TRAP1: variants seen among roughly 807,000 people sequenced by gnomAD.
TRAP1 encodes the protein TNF receptor associated protein 1.
In TRAP1, 102 loss-of-function variants were observed where a neutral mutation model predicts 89.1. The observed-to-expected ratio is 1.15, with a 90% CI of 0.98 to 1.35. The LOEUF (loss-of-function observed/expected upper bound fraction) is 1.35. Among genes scored for constraint, TRAP1 ranks in the 40% most tolerant of loss-of-function variants. The probability of loss-of-function intolerance (pLI) is 0.00; values close to 1 mark genes in which losing one functional copy is unlikely to be tolerated. For missense variants in TRAP1, 1,256 were observed against 945.3 expected, an observed-to-expected ratio of 1.33 and a Z score of -4.31; for synonymous variants, 508 against 388.0, an observed-to-expected ratio of 1.31 and a Z score of -3.64.
intron 1 of TRAP1, among the ~76,000 whole-genome samples, chr16:3,701,543 C>T (rs1473076408): frequency 1.6e-5 from 2 of 122,906 alleles, no homozygotes; most frequent in African/African-American, 7.6e-5. Flanking sequence ...AGAGTAAGAC[C>T]CTGTCCCAAA....
intron 4 of TRAP1, among the ~76,000 whole-genome samples, chr16:3,680,567 C>G (rs1370986761): frequency 6.6e-6 from 1 of 152,248 alleles, no homozygotes; most frequent in African/African-American, 2.4e-5. Context: ...ACCATGGGAA[C>G]AGCGGGCACA....
chr16:3,689,522 A>G (rs763330891), intron 2 of TRAP1, among the ~76,000 whole-genome samples: 1 of 152,148 alleles, frequency 6.6e-6, no homozygotes, highest in Non-Finnish European at 1.5e-5. Context: ...AAGATCATGA[A>G]CAAAAAGAAA....
chr16:3,697,316 T>C (rs1484287141), intron 1 of TRAP1, among the ~76,000 whole-genome samples: 1 of 152,124 alleles, frequency 6.6e-6, no homozygotes. Context: ...CTGATAATTT[T>C]TCTACTACAT....
At chr16:3,675,592 C>T (rs190185943) in intron 7 of TRAP1, among the ~76,000 whole-genome samples, 195 bp from the exon 8 acceptor site, 43 of 152,298 alleles carry the variant, frequency 2.8e-4, no homozygotes, top group Middle Eastern at 3.4e-3. Context: ...GCGGAGCCCA[C>T]GTGAGAACCA....
chr16:3,700,896 G>A (rs1333347257), intron 1 of TRAP1, among the ~76,000 whole-genome samples: 1 of 152,004 alleles, frequency 6.6e-6, no homozygotes, highest in Admixed American at 6.6e-5. Context: ...GGAAAAACAG[G>A]GAAAAAATCC....
At chr16:3,714,915 C>A (rs1161105938) in intron 1 of TRAP1, among the ~76,000 whole-genome samples, 1 of 152,182 alleles carries the variant, frequency 6.6e-6, no homozygotes, top group African/African-American at 2.4e-5. Flanking sequence ...CTAAACTATT[C>A]TTTCTCCCCT....
chr16:3,673,370 G>A (rs1005925265), intron 9 of TRAP1, among the ~76,000 whole-genome samples: 1 of 152,190 alleles, frequency 6.6e-6, no homozygotes, highest in Non-Finnish European at 1.5e-5. Context: ...GAAAGACACC[G>A]GGCCCGAAAC....
intron 1 of TRAP1, among the ~76,000 whole-genome samples, chr16:3,696,409 C>T (rs562186254): frequency 1.4e-3 from 212 of 152,274 alleles, no homozygotes; most frequent in Middle Eastern, 3.4e-3. Context: ...AGCTGTGACC[C>T]GGCAAATCAA....
chr16:3,664,077 C>T (rs1177719377), intron 13 of TRAP1, 197 bp downstream of exon 13: 2 of 585,928 alleles, frequency 3.4e-6, no homozygotes, highest in Admixed American at 3.7e-5. Flanking sequence ...AAACAAAAAA[C>T]AAACAAAAAA....
chr16:3,699,811 G>A (rs1033061620), intron 1 of TRAP1, among the ~76,000 whole-genome samples: 1 of 151,510 alleles, frequency 6.6e-6, no homozygotes, highest in African/African-American at 2.4e-5. Context: ...GGGACTGCAG[G>A]TAAGCACCAT....
chr16:3,683,129 A>T (rs184354760), intron 4 of TRAP1, among the ~76,000 whole-genome samples: 1 of 151,786 alleles, frequency 6.6e-6, no homozygotes, highest in East Asian at 2.0e-4. Flanking sequence ...AAATCACACC[A>T]CTGCACTCCA....
chr16:3,698,386 C>A (rs2051318964), intron 1 of TRAP1, among the ~76,000 whole-genome samples: 1 of 151,658 alleles, frequency 6.6e-6, no homozygotes, highest in Non-Finnish European at 1.5e-5. Flanking sequence ...TCTCGGCTCA[C>A]TGCAAGCTCC....
chr16:3,685,493 A>C (rs1185245095), intron 4 of TRAP1, among the ~76,000 whole-genome samples: 2 of 151,530 alleles, frequency 1.3e-5, no homozygotes, highest in Non-Finnish European at 2.9e-5. Context: ...CCCCGCAATG[A>C]CGCCGTGACC....
intron 5 of TRAP1, 103 bp downstream of exon 5, chr16:3,679,616 C>A (rs1567232957): frequency 8.6e-7 from 1 of 1,165,894 alleles, no homozygotes; most frequent in Non-Finnish European, 1.3e-6. Flanking sequence ...TGGCATGCAA[C>A]TGACAACGTT....
intron 1 of TRAP1, among the ~76,000 whole-genome samples, chr16:3,695,171 G>A (rs1307468080): frequency 1.3e-5 from 2 of 152,158 alleles, no homozygotes; most frequent in Admixed American, 6.6e-5. Flanking sequence ...TTCCAAATAT[G>A]GTCACATTCA....
intron 1 of TRAP1, among the ~76,000 whole-genome samples, chr16:3,709,893 A>G (rs1006115696): frequency 3.3e-5 from 5 of 151,608 alleles, no homozygotes; most frequent in African/African-American, 4.8e-5. Flanking sequence ...CAGGTGATCC[A>G]CCCGCCTCAG....
At chr16:3,697,653 G>C (rs2051307848) in intron 1 of TRAP1, among the ~76,000 whole-genome samples, 1 of 132,954 alleles carries the variant, frequency 7.5e-6, no homozygotes, top group South Asian at 2.6e-4. Flanking sequence ...AACAGAGCAA[G>C]ACTCTGTCTC....
At chr16:3,679,844 G>A (rs750678954) in intron 4 of TRAP1, 54 bp from the exon 5 acceptor site, 22 of 1,576,702 alleles carry the variant, frequency 1.4e-5, no homozygotes, top group South Asian at 3.3e-5. Flanking sequence ...GGAGCCGGGT[G>A]AGTGCACCAG....
chr16:3,696,240 C>T (rs6500550), intron 1 of TRAP1, among the ~76,000 whole-genome samples: 65,337 of 151,898 alleles, frequency 0.43, 16,781 homozygotes, highest in African/African-American at 0.73. Context: ...GAGATCCCTG[C>T]GGAGCACACA....
Sources: gnomAD v4.1 joint callset for allele counts (sites outside exome capture counted in the v4.1 genomes callset) on GRCh38, gnomAD v4.1.1 for gene constraint, MANE v1.5 for transcripts, NCBI Gene and HGNC (gene_info 2026-07-23, HGNC 2026-07-21) for gene names.